Variants in DNAH12 observed in about 807,000 individuals in gnomAD.
The protein encoded by DNAH12 is dynein axonemal heavy chain 12, also known as axonemal beta dynein heavy chain 12.
In DNAH12, 285 loss-of-function variants were observed where a neutral mutation model predicts 371.5. The ratio of observed to expected loss-of-function variants is 0.77; its 90% CI spans 0.70 to 0.85. DNAH12 has a LOEUF of 0.85. Among genes scored for constraint, DNAH12 ranks in the 40% least tolerant of loss-of-function variants. The pLI is 0.00. For missense variants in DNAH12, 3,611 were observed against 3,689.4 expected, an observed-to-expected ratio of 0.98 and a Z score of 0.55; for synonymous variants, 1,200 against 1,213.0, an observed-to-expected ratio of 0.99 and a Z score of 0.22.
At chr3:57,490,131 T>G (rs1294122088) in intron 11 of DNAH12, among the ~76,000 whole-genome samples, 1 of 152,156 alleles carries the variant, frequency 6.6e-6, no homozygotes, top group Non-Finnish European at 1.5e-5. Context: ...ATTCAACCTT[T>G]AGGAAAAATA....
Position 57,448,792 on chromosome 3 carries a change from T to C in DNAH12, c.3787-2103A>G, listed in dbSNP as rs890744012. Among the ~76,000 whole-genome samples the C allele has an allele frequency of 2.0e-5, 3 of 152,304 alleles. No homozygotes were observed. The East Asian group carries it at 5.8e-4, about 29-fold the overall frequency. On this transcript the variant is annotated intron_variant, in intron 25 of 73. Transcript: ENST00000495027. ...CATCAGATTAGTTAGATACAGAGTA[T>C]GGACACAAAGGTTCTCCAAAGCCCC...
rs575423983 is a variant in DNAH12, at chr3:57,542,785, T to C, written c.86A>G (p.Asn29Ser). ...TTGTGTTGGTGTATCAACGCCTATG[T>C]TTTCTGGGAGATGGACAATGGGGGG... ...KLPPIVHLPE[N>S]IGVDTPTQSK... The change falls in exon 2 of 74, where the codon AAC becomes AGC. Residue 29 changes from asparagine to serine, a missense_variant. By Grantham distance (46) the Asn-to-Ser change is conservative. Transcript: ENST00000495027. The C allele has an allele frequency of 1.9e-6, 3 of 1,611,776 alleles. No individual in the cohort carries two copies. The highest frequency in any genetic ancestry group is 2.2e-5 in the South Asian group (2 of 90,464).
intron 66 of DNAH12, among the ~76,000 whole-genome samples, chr3:57,313,949 C>T (rs2061634128): frequency 6.6e-6 from 1 of 152,180 alleles, no homozygotes; most frequent in Non-Finnish European, 1.5e-5. Flanking sequence ...TTATCAGACA[C>T]AGAGTGATTT....
At chr3:57,329,898 C>T (rs2062050190) in intron 62 of DNAH12, among the ~76,000 whole-genome samples, 3 of 152,124 alleles carry the variant, frequency 2.0e-5, no homozygotes, top group Admixed American at 6.5e-5. Context: ...CAAAAGTGGG[C>T]AAAGGACATG....
At chr3:57,543,321 T>TTTTG (rs2069380697) in intron 1 of DNAH12, among the ~76,000 whole-genome samples, 1 of 136,148 alleles carries the variant, frequency 7.3e-6, no homozygotes, top group African/African-American at 2.9e-5. Context: ...AATGGTTTTT[T>TTTTG]TTTTTTTTTT....
intron 65 of DNAH12, among the ~76,000 whole-genome samples, chr3:57,316,132 C>CTTTT (rs371920966): frequency 2.7e-5 from 4 of 149,312 alleles, no homozygotes; most frequent in South Asian, 2.1e-4. Context: ...AACCCCTTCC[C>CTTTT]CTTTTTTTTT....
chr3:57,446,005 AT>A (rs1235966825), intron 27 of DNAH12, 25 bp downstream of exon 27: 42 of 1,165,392 alleles, frequency 3.6e-5, no homozygotes, highest in Non-Finnish European at 4.5e-5. Context: ...AAATAAATAA[AT>A]AAATAAATAA....
intron 59 of DNAH12, among the ~76,000 whole-genome samples, chr3:57,356,696 G>T (rs1275154794): frequency 2.0e-5 from 3 of 151,798 alleles, no homozygotes; most frequent in African/African-American, 7.3e-5. Flanking sequence ...AAGAGGTTTT[G>T]ATTATCTTTC....
At chr3:57,344,318 G>A (rs2062485640) in intron 60 of DNAH12, among the ~76,000 whole-genome samples, 1 of 135,362 alleles carries the variant, frequency 7.4e-6, no homozygotes, top group Non-Finnish European at 1.6e-5. Flanking sequence ...GCAGAGAAAA[G>A]GGAACTCTTA....
chr3:57,490,860 G>A (rs1381852096), intron 11 of DNAH12, among the ~76,000 whole-genome samples: 2 of 152,164 alleles, frequency 1.3e-5, no homozygotes, highest in Admixed American at 1.3e-4. Context: ...AAGCCGAGGC[G>A]GGTGGACCAC....
intron 36 of DNAH12, among the ~76,000 whole-genome samples, chr3:57,420,908 C>CAAAAAAAAA (rs369971376): frequency 2.8e-4 from 22 of 77,982 alleles, no homozygotes; most frequent in African/African-American, 1.1e-3. Context: ...GACTCCGTCT[C>CAAAAAAAAA]AAAAAAAAAA....
chr3:57,502,449 C>T lies in DNAH12; in HGVS notation c.1117G>A (p.Gly373Arg), dbSNP rs748542147. 1 of 1,614,104 alleles carries T rather than the reference C, an allele frequency of 6.2e-7. No homozygotes were observed. Among genetic ancestry groups the T allele is most frequent in the Non-Finnish European group, 8.5e-7 (1 of 1,180,014 alleles). The change falls in exon 10 of 74, where the codon GGA (glycine) becomes AGA (arginine). Residue 373 changes from glycine (G) to arginine (R), a missense_variant. Around this residue, in one of 3 missense-constraint regions of DNAH12, gnomAD observed 1,314 missense variants for 1,398.7 expected, o/e 0.94. Coordinates refer to ENST00000495027, the MANE Select transcript of DNAH12 (RefSeq NM_001366028.2). ...NVQTIPSWLS[G>R]TSTPVNLDTE... Reference sequence around the variant, plus strand: ...TCAAGATTTACTGGTGTTGAAGTTCCTGATAGCCAAGAGGGGATTGTTTGG... The same window carrying T: ...TCAAGATTTACTGGTGTTGAAGTTCTTGATAGCCAAGAGGGGATTGTTTGG...
chr3:57,387,772 A>C (rs1404843176), intron 45 of DNAH12, among the ~76,000 whole-genome samples: 1 of 152,088 alleles, frequency 6.6e-6, no homozygotes, highest in Admixed American at 6.5e-5. Flanking sequence ...TCATTCTTCT[A>C]CTTCTTGTTT....
At chr3:57,437,586 C>T (rs528321489) in intron 29 of DNAH12, among the ~76,000 whole-genome samples, 3 of 152,208 alleles carry the variant, frequency 2.0e-5, no homozygotes, top group Admixed American at 6.5e-5. Context: ...TGGTGGATAT[C>T]GGATTGGGCC....
chr3:57,504,310 T>C (rs1465216568), intron 8 of DNAH12, 106 bp from the exon 9 acceptor site: 87 of 1,014,992 alleles, frequency 8.6e-5, no homozygotes, highest in Non-Finnish European at 1.1e-4. Flanking sequence ...TTGTCTATAA[T>C]TAAAACATCC....
chr3:57,342,484 C>CAAAAA (rs71088060), intron 60 of DNAH12, among the ~76,000 whole-genome samples: 30 of 66,040 alleles, frequency 4.5e-4, no homozygotes, highest in African/African-American at 7.9e-4. Flanking sequence ...ACTAAAAATA[C>CAAAAA]AAAAAAAAAA....
At chr3:57,524,822 G>T (rs1414639523) in intron 2 of DNAH12, among the ~76,000 whole-genome samples, 2 of 152,076 alleles carry the variant, frequency 1.3e-5, no homozygotes, top group Admixed American at 1.3e-4. Flanking sequence ...AGCAGGGGTC[G>T]TTCAATCCAC....
intron 19 of DNAH12, among the ~76,000 whole-genome samples, chr3:57,460,987 A>C (rs192254753): frequency 6.6e-6 from 1 of 152,210 alleles, no homozygotes; most frequent in African/African-American, 2.4e-5. Flanking sequence ...TCCCCAATTT[A>C]TATAGTCCCC....
At position 57,420,927 on chromosome 3, in the gene DNAH12, A is replaced by G. The variant is rs570107387; in HGVS notation, c.5562+591T>C. On this transcript the variant is annotated intron_variant, in intron 36 of 73. Transcript: ENST00000495027. ...CCGTCTCAAAAAAAAAAAAAAAAAAAAAAGAAAGAAATAAAGAATATGCTT... is the reference window on the plus strand; with the variant it reads ...CCGTCTCAAAAAAAAAAAAAAAAAAGAAAGAAAGAAATAAAGAATATGCTT... Among the ~76,000 whole-genome samples, 187 of 151,642 alleles carry G rather than the reference A, an allele frequency of 1.2e-3. 1 individual carries two copies. The highest frequency in any genetic ancestry group is 0.01 in the South Asian group (49 of 4,808).
Sources: gnomAD v4.1 joint callset for allele counts (sites outside exome capture counted in the v4.1 genomes callset) on GRCh38, gnomAD v4.1.1 for gene constraint, gnomAD v4.1.1 regional missense constraint, MANE v1.5 for transcripts, NCBI Gene and HGNC (gene_info 2026-07-23, HGNC 2026-07-21) for gene names.